The following ACMSD variants were observed in gnomAD, a reference collection of about 807,000 sequenced individuals.
ACMSD encodes 2-amino-3-carboxymuconate-6-semialdehyde decarboxylase.
ACMSD carries 37 observed loss-of-function variants against 45.9 expected under a neutral mutation model. The observed-to-expected ratio is 0.81, with a 90% CI of 0.62 to 1.06. The LOEUF is 1.06. ACMSD is among the 50% of genes least tolerant of loss of function. ACMSD has a pLI of 0.00. For synonymous variants in ACMSD, 138 were observed against 148.8 expected (o/e 0.93, Z 0.53); for missense variants, 434 against 420.9 (o/e 1.03, Z -0.27).
At chr2:134,893,209 A>AT (rs10572074) in intron 8 of ACMSD, among the ~76,000 whole-genome samples, 2,253 of 132,708 alleles carry the variant, frequency 0.017, 44 homozygotes, top group African/African-American at 0.049. Flanking sequence ...ATCACACTGC[A>AT]TTTTTTTTTT....
chr2:134,866,310 AAAG>A (rs772471036), intron 5 of ACMSD, among the ~76,000 whole-genome samples: 25 of 152,204 alleles, frequency 1.6e-4, no homozygotes, highest in Non-Finnish European at 2.9e-4. Flanking sequence ...TTTAAAAAGA[AAAG>A]AACCACCAGA....
At chr2:134,843,305 C>T (rs1365766726) in intron 1 of ACMSD, among the ~76,000 whole-genome samples, 1 of 152,134 alleles carries the variant, frequency 6.6e-6, no homozygotes, top group African/African-American at 2.4e-5. Flanking sequence ...CCTGCAAAAC[C>T]GGTTCTGCTG....
At chr2:134,872,730 A>C in intron 8 of ACMSD, 89 bp downstream of exon 8, 1 of 1,457,456 alleles carries the variant, frequency 6.9e-7, no homozygotes, top group Non-Finnish European at 9.5e-7. Context: ...CTCTCCAAAA[A>C]AGGGATGGAA....
intron 8 of ACMSD, among the ~76,000 whole-genome samples, chr2:134,881,948 T>A (rs7596863): frequency 0.061 from 9,243 of 152,168 alleles, 439 homozygotes; most frequent in African/African-American, 0.13. Context: ...TGAAACCCCA[T>A]CTCTACTAAA....
At chr2:134,879,450 A>G (rs982324614) in intron 8 of ACMSD, among the ~76,000 whole-genome samples, 41 of 152,200 alleles carry the variant, frequency 2.7e-4, no homozygotes, top group African/African-American at 8.0e-4. Context: ...GGTTTTTGTT[A>G]TGGTAGCACC....
At chr2:134,872,807 C>G in intron 8 of ACMSD, 166 bp downstream of exon 8, 2 of 720,492 alleles carry the variant, frequency 2.8e-6, no homozygotes, top group Non-Finnish European at 4.6e-6. Flanking sequence ...ACAGGGGATT[C>G]TCTCCAGGGT....
intron 2 of ACMSD, among the ~76,000 whole-genome samples, chr2:134,854,317 GTTAGT>G (rs755170646): frequency 7.9e-5 from 12 of 152,158 alleles, no homozygotes; most frequent in Non-Finnish European, 1.6e-4. Flanking sequence ...ATTCACTCTA[GTTAGT>G]TTAATTAGAA....
At chr2:134,860,640 C>G (rs1272549804) in intron 3 of ACMSD, among the ~76,000 whole-genome samples, 1 of 152,098 alleles carries the variant, frequency 6.6e-6, no homozygotes, top group Non-Finnish European at 1.5e-5. Flanking sequence ...ATCAAACGGT[C>G]AGCCTAAAGT....
chr2:134,889,084 T>A (rs959918752), intron 8 of ACMSD, among the ~76,000 whole-genome samples: 4 of 152,206 alleles, frequency 2.6e-5, no homozygotes, highest in Non-Finnish European at 5.9e-5. Flanking sequence ...AAATACTTCA[T>A]GTGCATTCTA....
rs1438237978 is a variant in ACMSD at position 134,872,498 on chromosome 2, A to C, written c.706A>C (p.Ile236Leu). 6.2e-7 allele frequency: 1 copy of C among 1,614,166 alleles called. No homozygotes were observed. The highest frequency in any genetic ancestry group is 1.7e-5 in the Admixed American group (1 of 60,008). ...TGCCTTCCCCTTCACAGTGGGAAGAATCTCCCATGGATTCAGCATGCGCCC... is the reference window on the plus strand; with the variant it reads ...TGCCTTCCCCTTCACAGTGGGAAGACTCTCCCATGGATTCAGCATGCGCCC... ...GGAFPFTVGR[I>L]SHGFSMRPDL... The change falls in exon 8 of 10, where the codon ATC becomes CTC. Residue 236 changes from isoleucine (I) to leucine (L), a missense_variant. Ile to Leu is a conservative substitution (Grantham distance 5, BLOSUM62 2). Transcript: ENST00000356140.
At chr2:134,889,252 T>C (rs1193365855) in intron 8 of ACMSD, among the ~76,000 whole-genome samples, 1 of 152,276 alleles carries the variant, frequency 6.6e-6, no homozygotes, top group South Asian at 2.1e-4. Flanking sequence ...GTTTTTAATA[T>C]AGAAAGATAT....
chr2:134,845,164 C>T, intron 1 of ACMSD, 69 bp from the exon 2 acceptor site: 1 of 1,553,950 alleles, frequency 6.4e-7, no homozygotes, highest in Non-Finnish European at 8.9e-7. Context: ...ATCTTCTGCA[C>T]TTAGCATGCC....
chr2:134,852,011 TGTGTTATACGTATG>T (rs1308834619), intron 2 of ACMSD, among the ~76,000 whole-genome samples: 1 of 152,246 alleles, frequency 6.6e-6, no homozygotes. Flanking sequence ...GTATTATTAG[TGTGTTATACGTATG>T]GTGTTTAAAG....
At chr2:134,840,993 ATGAG>A (rs1686781701) in intron 1 of ACMSD, among the ~76,000 whole-genome samples, 1 of 152,138 alleles carries the variant, frequency 6.6e-6, no homozygotes, top group African/African-American at 2.4e-5. Flanking sequence ...GCTACCACTT[ATGAG>A]TGAGAACATA....
intron 2 of ACMSD, among the ~76,000 whole-genome samples, chr2:134,850,757 T>C (rs895549462): frequency 6.6e-6 from 1 of 152,234 alleles, no homozygotes; most frequent in Non-Finnish European, 1.5e-5. Flanking sequence ...CAGCACTCCC[T>C]GTTCTCAAAA....
At chr2:134,879,625 T>C (rs577330890) in intron 8 of ACMSD, among the ~76,000 whole-genome samples, 102 of 152,336 alleles carry the variant, frequency 6.7e-4, no homozygotes, top group African/African-American at 2.4e-3. Flanking sequence ...TCAGGGTTTC[T>C]CTTGAGGTTC....
At chr2:134,883,008 G>A (rs1352728925) in intron 8 of ACMSD, among the ~76,000 whole-genome samples, 1 of 152,208 alleles carries the variant, frequency 6.6e-6, no homozygotes, top group Admixed American at 6.5e-5. Flanking sequence ...TTGGAGCAAA[G>A]TGTTGATATC....
chr2:134,839,681 C>A (rs1686694673), intron 1 of ACMSD, among the ~76,000 whole-genome samples: 1 of 152,136 alleles, frequency 6.6e-6, no homozygotes, highest in Admixed American at 6.5e-5. Context: ...TTAAGTATTT[C>A]TTTGTCCATT....
chr2:134,857,688 T>C (rs1332899838), intron 2 of ACMSD: 2 of 151,946 alleles, frequency 1.3e-5, no homozygotes, highest in Non-Finnish European at 2.9e-5. Flanking sequence ...CTTGCTTCAT[T>C]GCTCTGGCTA....
Sources: gnomAD v4.1 joint callset for allele counts (sites outside exome capture counted in the v4.1 genomes callset) on GRCh38, gnomAD v4.1.1 for gene constraint, MANE v1.5 for transcripts, NCBI Gene and HGNC (gene_info 2026-07-23, HGNC 2026-07-21) for gene names.